CADM2: variants seen among roughly 807,000 people sequenced by gnomAD.
CADM2 encodes the protein cell adhesion molecule 2.
Under a neutral mutation model 49.8 loss-of-function variants are expected in CADM2, and 12 were observed. The observed-to-expected ratio is 0.24, with a 90% CI of 0.15 to 0.39. The LOEUF (loss-of-function observed/expected upper bound fraction) is 0.39, where lower values mean the gene tolerates loss of function less well. Among genes scored for constraint, CADM2 ranks in the 10% least tolerant of loss-of-function variants. CADM2 has a pLI of 1.00. For missense variants in CADM2, 378 were observed against 492.3 expected (o/e 0.77, Z 2.20); for synonymous variants, 214 against 175.4 (o/e 1.22, Z -1.74).
intron 1 of CADM2, among the ~76,000 whole-genome samples, chr3:85,640,618 G>A (rs143242090): frequency 1.2e-4 from 19 of 152,230 alleles, no homozygotes; most frequent in African/African-American, 3.4e-4. Context: ...GGTTGGTGGG[G>A]AAAGCAGATT....
intron 1 of CADM2, among the ~76,000 whole-genome samples, chr3:85,684,822 G>A (rs1180401133): frequency 1.3e-5 from 2 of 152,222 alleles, no homozygotes; most frequent in African/African-American, 2.4e-5. Flanking sequence ...CTCCCACGGG[G>A]TCCCGCCCAC....
intron 8 of CADM2, among the ~76,000 whole-genome samples, chr3:86,038,787 T>C (rs1735479923): frequency 6.6e-6 from 1 of 152,210 alleles, no homozygotes; most frequent in Admixed American, 6.5e-5. Flanking sequence ...TCACTACTTT[T>C]ATTTTACATG....
At chr3:85,982,405 A>G (rs1011320265) in intron 8 of CADM2, among the ~76,000 whole-genome samples, 1 of 151,718 alleles carries the variant, frequency 6.6e-6, no homozygotes, top group Non-Finnish European at 1.5e-5. Context: ...AGTTTGAAAG[A>G]TAACATTTTT....
chr3:86,000,232 G>A (rs1437514402), intron 8 of CADM2, among the ~76,000 whole-genome samples: 2 of 152,092 alleles, frequency 1.3e-5, no homozygotes, highest in South Asian at 2.1e-4. Flanking sequence ...TAAATTAAGA[G>A]GGGATTGTTT....
intron 3 of CADM2, among the ~76,000 whole-genome samples, chr3:85,858,548 C>G (rs542717787): frequency 1.3e-5 from 2 of 152,314 alleles, no homozygotes; most frequent in Admixed American, 6.5e-5. Context: ...TCACATGTCT[C>G]ATTCACATAT....
At chr3:85,027,687 C>T (rs2034798260) in intron 1 of CADM2, among the ~76,000 whole-genome samples, 1 of 151,888 alleles carries the variant, frequency 6.6e-6, no homozygotes, top group South Asian at 2.1e-4. Context: ...TAGATAATTA[C>T]CTTAAGCTAG....
chr3:85,961,222 T>C (rs1447938077), intron 7 of CADM2, among the ~76,000 whole-genome samples: 1 of 150,730 alleles, frequency 6.6e-6, no homozygotes, highest in Non-Finnish European at 1.5e-5. Context: ...AAATGACTGC[T>C]ACTGGGACTC....
chr3:85,764,637 A>C (rs539814354), intron 2 of CADM2, among the ~76,000 whole-genome samples: 8 of 152,086 alleles, frequency 5.3e-5, no homozygotes, highest in African/African-American at 1.9e-4. Context: ...TTCAGTTCCA[A>C]ATTCCTTATG....
chr3:85,536,341 A>T (rs1010567518), intron 1 of CADM2, among the ~76,000 whole-genome samples: 2 of 152,016 alleles, frequency 1.3e-5, no homozygotes, highest in Non-Finnish European at 2.9e-5. Flanking sequence ...AAGTATATTA[A>T]ATCATTCTAA....
chr3:85,709,364 G>A (rs751353832), intron 1 of CADM2, among the ~76,000 whole-genome samples: 14 of 152,112 alleles, frequency 9.2e-5, no homozygotes, highest in African/African-American at 1.7e-4. Context: ...AGTGAAAAAT[G>A]TCAACTTCGA....
chr3:85,045,508 T>G (rs1358544482), intron 1 of CADM2, among the ~76,000 whole-genome samples: 1 of 152,090 alleles, frequency 6.6e-6, no homozygotes, highest in Non-Finnish European at 1.5e-5. Flanking sequence ...TTAGAAATGG[T>G]ATTTCTATTT....
intron 8 of CADM2, among the ~76,000 whole-genome samples, chr3:86,025,726 A>T (rs1733831194): frequency 6.6e-6 from 1 of 152,206 alleles, no homozygotes; most frequent in African/African-American, 2.4e-5. Flanking sequence ...TGTAACAAAT[A>T]TGACTTTTAT....
intron 1 of CADM2, among the ~76,000 whole-genome samples, chr3:85,623,157 C>G (rs1021363018): frequency 6.6e-6 from 1 of 152,110 alleles, no homozygotes; most frequent in South Asian, 2.1e-4. Context: ...CTTAACACCA[C>G]TAGTTTCAAG....
At chr3:85,654,494 T>C (rs2065140542) in intron 1 of CADM2, among the ~76,000 whole-genome samples, 1 of 152,116 alleles carries the variant, frequency 6.6e-6, no homozygotes, top group Non-Finnish European at 1.5e-5. Context: ...GTTTTGTGAG[T>C]GTGCCCTTTT....
At chr3:85,057,476 C>T (rs1199375950) in intron 1 of CADM2, among the ~76,000 whole-genome samples, 2 of 152,028 alleles carry the variant, frequency 1.3e-5, no homozygotes, top group Non-Finnish European at 2.9e-5. Flanking sequence ...TGTGAGTATA[C>T]TAACATCATA....
intron 3 of CADM2, among the ~76,000 whole-genome samples, chr3:85,835,728 A>G (rs1275535325): frequency 1.4e-5 from 2 of 146,174 alleles, no homozygotes; most frequent in East Asian, 4.0e-4. Flanking sequence ...GTGTATATAT[A>G]TATATATCTT....
intron 1 of CADM2, among the ~76,000 whole-genome samples, chr3:85,478,487 T>A (rs2039074074): frequency 6.6e-6 from 1 of 151,930 alleles, no homozygotes; most frequent in African/African-American, 2.4e-5. Context: ...AGATGTTTTG[T>A]TGGATCACGT....
At chr3:85,618,436 G>A (rs1449396) in intron 1 of CADM2, among the ~76,000 whole-genome samples, 31,465 of 152,000 alleles carry the variant, frequency 0.21, 3,635 homozygotes, top group South Asian at 0.28. Context: ...AAAGATAGAA[G>A]ATGTTTGTTT....
intron 1 of CADM2, among the ~76,000 whole-genome samples, chr3:85,326,400 T>C (rs1201117529): frequency 2.0e-5 from 3 of 152,172 alleles, no homozygotes; most frequent in Middle Eastern, 3.2e-3. Context: ...CTGAGTTGAA[T>C]AGTCTTTCAT....
Sources: gnomAD v4.1 joint callset for allele counts (sites outside exome capture counted in the v4.1 genomes callset) on GRCh38, gnomAD v4.1.1 for gene constraint, MANE v1.5 for transcripts, NCBI Gene and HGNC (gene_info 2026-07-23, HGNC 2026-07-21) for gene names.